SUPT3H: variants seen among roughly 807,000 people sequenced by gnomAD.
The protein encoded by SUPT3H is transcription initiation protein SPT3 homolog.
A neutral mutation model predicts 44.3 loss-of-function variants in SUPT3H; 44 were observed. The ratio of observed to expected loss-of-function variants is 0.99; its 90% CI spans 0.78 to 1.28. SUPT3H has a LOEUF of 1.28. Among genes scored for constraint, SUPT3H ranks in the 50% most tolerant of loss-of-function variants. SUPT3H has a pLI of 0.00. For synonymous variants in SUPT3H, 124 were observed against 125.6 expected (o/e 0.99, Z 0.09); for missense variants, 380 against 387.1 (o/e 0.98, Z 0.15).
At chr6:45,238,461 C>T (rs1769624856) in intron 2 of SUPT3H, among the ~76,000 whole-genome samples, 1 of 152,182 alleles carries the variant, frequency 6.6e-6, no homozygotes, top group African/African-American at 2.4e-5. Context: ...CTATTTTCTA[C>T]CCTTAGAGGA....
intron 2 of SUPT3H, among the ~76,000 whole-genome samples, chr6:45,199,193 T>C (rs911153066): frequency 6.6e-6 from 1 of 151,288 alleles, no homozygotes; most frequent in African/African-American, 2.4e-5. Flanking sequence ...GTTGTTGCAT[T>C]GGATTAAATG....
At chr6:45,285,271 G>A (rs1241107818) in intron 2 of SUPT3H, among the ~76,000 whole-genome samples, 1 of 151,760 alleles carries the variant, frequency 6.6e-6, no homozygotes, top group Admixed American at 6.6e-5. Context: ...GGAAATAAAG[G>A]GTATTCAATT....
chr6:45,255,825 T>C (rs1773285423), intron 2 of SUPT3H, among the ~76,000 whole-genome samples: 1 of 152,180 alleles, frequency 6.6e-6, no homozygotes, highest in Non-Finnish European at 1.5e-5. Flanking sequence ...TATTCGCAGA[T>C]ATGTGCAACT....
chr6:44,902,464 T>G (rs1044681797), intron 10 of SUPT3H, among the ~76,000 whole-genome samples: 6 of 152,154 alleles, frequency 3.9e-5, no homozygotes, highest in African/African-American at 1.4e-4. Flanking sequence ...AAGGGATCAA[T>G]TCAACAAGAA....
intron 1 of SUPT3H, 44 bp from the exon 2 acceptor site, chr6:45,365,345 ATAAG>A (rs766141328): frequency 3.9e-6 from 5 of 1,274,376 alleles, no homozygotes; most frequent in Non-Finnish European, 5.6e-6. Context: ...GTACCTAGCT[ATAAG>A]TAAATGCAAA....
intron 10 of SUPT3H, among the ~76,000 whole-genome samples, chr6:44,853,374 C>T (rs1773208799): frequency 6.6e-6 from 1 of 152,082 alleles, no homozygotes; most frequent in South Asian, 2.1e-4. Flanking sequence ...TCAATAAATG[C>T]AAGTGGTGCA....
In SUPT3H at chr6:45,181,869, T is replaced by TAATA. The variant is rs200711022; in HGVS notation, c.102-75867_102-75864dup. Among the ~76,000 whole-genome samples the TAATA allele has an allele frequency of 4.2e-3, 618 of 147,636 alleles. 4 individuals carry two copies. Among genetic ancestry groups the TAATA allele is most frequent in the African/African-American group, 0.014 (564 of 40,544 alleles). On this transcript the variant is annotated intron_variant, in intron 2 of 10. Transcript: ENST00000371459. Reference sequence around the variant, plus strand: ...TACCCTAAAACTTAAAGTATAATAATAATAAATAAATAAATAAATAAATAA... The same window carrying TAATA: ...TACCCTAAAACTTAAAGTATAATAATAATAAATAAATAAATAAATAAATAAATAA...
intron 10 of SUPT3H, among the ~76,000 whole-genome samples, chr6:44,840,203 C>T (rs944280627): frequency 1.3e-5 from 2 of 152,220 alleles, no homozygotes; most frequent in Non-Finnish European, 2.9e-5. Context: ...GAAATGTAAA[C>T]AGGCATTCTA....
chr6:45,101,113 T>A (rs759191069), intron 3 of SUPT3H, among the ~76,000 whole-genome samples: 1 of 152,194 alleles, frequency 6.6e-6, no homozygotes, highest in South Asian at 2.1e-4. Flanking sequence ...ATATCACATG[T>A]TCTCACTGAT....
At chr6:44,881,897 G>A (rs903816259) in intron 10 of SUPT3H, among the ~76,000 whole-genome samples, 1 of 152,128 alleles carries the variant, frequency 6.6e-6, no homozygotes, top group African/African-American at 2.4e-5. Flanking sequence ...TGATTAGAGG[G>A]AAATTTATAG....
intron 11 of SUPT3H, among the ~76,000 whole-genome samples, chr6:44,811,140 A>G (rs1375461101): frequency 6.6e-6 from 1 of 152,210 alleles, no homozygotes; most frequent in South Asian, 2.1e-4. Flanking sequence ...AATTGCATCC[A>G]GGATGCCACA....
Position 45,068,506 on chromosome 6 carries a change from TA to T in SUPT3H, c.186+37415del, listed in dbSNP as rs781186043. 6.6e-4 allele frequency among the ~76,000 whole-genome samples: 100 copies of T among 152,176 alleles called. 1 individual carries two copies. The highest frequency in any genetic ancestry group is 2.7e-3 in the South Asian group (13 of 4,814). ...AGATAGGGATGGGTAGAGATAAGGA[TA>T]GGGGTAATCTCCTAAAATAAATTTC... On this transcript the variant is annotated intron_variant, in intron 3 of 10. Coordinates refer to ENST00000371459, the MANE Select transcript of SUPT3H (RefSeq NM_003599.4).
At chr6:45,037,172 C>T (rs1562313076) in intron 3 of SUPT3H, among the ~76,000 whole-genome samples, 1 of 151,798 alleles carries the variant, frequency 6.6e-6, no homozygotes, top group African/African-American at 2.4e-5. Flanking sequence ...GCTATGAATT[C>T]AGGTGATTTC....
At position 44,886,285 on chromosome 6, in the gene SUPT3H, C is replaced by G. The variant is rs1039343639; in HGVS notation, c.912+46368G>C. Among the ~76,000 whole-genome samples, 3 of 151,772 alleles carry G rather than the reference C, an allele frequency of 2.0e-5. No individual in the cohort carries two copies. In the East Asian group the frequency reaches 5.8e-4, roughly 29 times the overall value. On this transcript the variant is annotated intron_variant, in intron 10 of 10. Transcript: ENST00000371459. Reference sequence around the variant, plus strand: ...CAGAGAACGCCACAAAGATACTCCTCGAGAAGAGCAACTCCAAGACACATA... The same window carrying G: ...CAGAGAACGCCACAAAGATACTCCTGGAGAAGAGCAACTCCAAGACACATA...
rs765313905 is a variant in SUPT3H at position 45,321,750 on chromosome 6, C to T, written c.101+43451G>A. ...ATACATTCTCTCTTCTACCCATAAA[C>T]TTGTTCTCTTGAAAAGCGATAGGAA... On this transcript the variant is annotated intron_variant, in intron 2 of 10. Transcript: ENST00000371459. 4.5e-6 allele frequency: 6 copies of T among 1,339,654 alleles called. No individual in the cohort carries two copies. In the South Asian group the frequency reaches 6.1e-5, roughly 14 times the overall value. The allele number at this position is 1,339,654 out of a possible 1,614,324, so 83.0% of individuals were successfully genotyped here.
intron 2 of SUPT3H, among the ~76,000 whole-genome samples, chr6:45,359,948 G>A (rs1052853192): frequency 3.9e-5 from 6 of 152,160 alleles, no homozygotes; most frequent in Non-Finnish European, 8.8e-5. Flanking sequence ...GTTGAGGCAG[G>A]AGGATCACCT....
intron 2 of SUPT3H, among the ~76,000 whole-genome samples, chr6:45,266,131 T>C (rs1300161509): frequency 6.7e-6 from 1 of 150,290 alleles, no homozygotes; most frequent in African/African-American, 2.5e-5. Context: ...TATAGAGTTA[T>C]AGCTTGAAAA....
chr6:44,999,012 T>G (rs954196616), intron 6 of SUPT3H, among the ~76,000 whole-genome samples: 1 of 143,020 alleles, frequency 7.0e-6, no homozygotes, highest in East Asian at 2.0e-4. Context: ...GGTTCATTAG[T>G]TGCCTCTGTG....
At chr6:45,214,218 G>C (rs1211585061) in intron 2 of SUPT3H, among the ~76,000 whole-genome samples, 1 of 151,746 alleles carries the variant, frequency 6.6e-6, no homozygotes, top group Non-Finnish European at 1.5e-5. Flanking sequence ...ATTTAAATAA[G>C]TGACCACACA....
Sources: gnomAD v4.1 joint callset for allele counts (sites outside exome capture counted in the v4.1 genomes callset) on GRCh38, gnomAD v4.1.1 for gene constraint, MANE v1.5 for transcripts, NCBI Gene and HGNC (gene_info 2026-07-23, HGNC 2026-07-21) for gene names.